Variants in ANO6 observed in about 807,000 individuals in gnomAD.
ANO6 encodes the protein anoctamin 6.
Under a neutral mutation model 117.5 loss-of-function variants are expected in ANO6, and 106 were observed. The observed-to-expected ratio is 0.90, with a 90% CI of 0.77 to 1.06. ANO6 has a LOEUF of 1.06. Among genes scored for constraint, ANO6 ranks in the 50% least tolerant of loss-of-function variants. The pLI, the probability that ANO6 is intolerant of heterozygous loss-of-function variation, is 0.00. For synonymous variants in ANO6, 367 were observed against 385.1 expected, an observed-to-expected ratio of 0.95 and a Z score of 0.55; for missense variants, 955 against 1,121.1, an observed-to-expected ratio of 0.85 and a Z score of 2.12.
At chr12:45,375,251 A>G (rs1593032989) in intron 9 of ANO6, among the ~76,000 whole-genome samples, 1 of 152,358 alleles carries the variant, frequency 6.6e-6, no homozygotes, top group East Asian at 1.9e-4. Context: ...GGTAGGAAGA[A>G]TCAATATCGT....
intron 8 of ANO6, among the ~76,000 whole-genome samples, chr12:45,365,626 T>C (rs1325482389): frequency 2.0e-5 from 3 of 152,166 alleles, no homozygotes; most frequent in Non-Finnish European, 4.4e-5. Flanking sequence ...TTAGACTACT[T>C]CTTCCCCCTT....
At chr12:45,372,734 C>T (rs1273014132) in intron 9 of ANO6, among the ~76,000 whole-genome samples, 1 of 152,128 alleles carries the variant, frequency 6.6e-6, no homozygotes, top group African/African-American at 2.4e-5. Flanking sequence ...AAAGGAACAA[C>T]CAGTACCAGG....
At chr12:45,246,034 C>T (rs1056196173) in intron 1 of ANO6, among the ~76,000 whole-genome samples, 3 of 151,644 alleles carry the variant, frequency 2.0e-5, no homozygotes, top group African/African-American at 7.3e-5. Context: ...ACTTATGTTA[C>T]CGAATTAGAT....
At chr12:45,257,757 T>G (rs575929982) in intron 1 of ANO6, among the ~76,000 whole-genome samples, 38 of 152,342 alleles carry the variant, frequency 2.5e-4, no homozygotes, top group African/African-American at 8.7e-4. Flanking sequence ...TCCTTCATAC[T>G]GTTGCCAAAT....
chr12:45,317,131 ATT>A lies in ANO6; in HGVS notation c.151-14162_151-14161del, dbSNP rs1491327041. On this transcript the variant is annotated intron_variant, in intron 2 of 19. Transcript: ENST00000320560. ...TTTATATGTATATATATATATATAT[ATT>A]TATTATACTTTAAGTTCCAGGGTAC... is the stretch of plus-strand genomic sequence containing the variant. Among the ~76,000 whole-genome samples the A allele has an allele frequency of 9.7e-4, 103 of 106,704 alleles. 23 individuals are homozygous for A. Among genetic ancestry groups the A allele is most frequent in the Non-Finnish European group, 1.4e-3 (63 of 45,184 alleles). 70.0% of individuals were successfully genotyped at this position (106,704 alleles called of 152,430 possible).
rs549502143 is a variant in ANO6 at position 45,309,288 on chromosome 12, G to T, written c.150+7195G>T. ...AGAGGAACATGTGAGCCCAGAATCA[G>T]AATTTCAGTGAACCAGGAGCAGCAG... On this transcript the variant is annotated intron_variant, in intron 2 of 19. Coordinates refer to ENST00000320560, the MANE Select transcript of ANO6 (RefSeq NM_001025356.3). 2.0e-5 allele frequency among the ~76,000 whole-genome samples: 3 copies of T among 152,186 alleles called. No homozygotes were observed. In the East Asian group the frequency reaches 5.8e-4, roughly 30 times the overall value.
rs1246855125 is a variant in ANO6 at position 45,309,041 on chromosome 12, C to G, written c.150+6948C>G. 2.0e-5 allele frequency among the ~76,000 whole-genome samples: 3 copies of G among 151,988 alleles called. No homozygotes were observed. The East Asian group carries it at 5.8e-4, about 29-fold the overall frequency. On this transcript the variant is annotated intron_variant, in intron 2 of 19. Coordinates refer to ENST00000320560, the MANE Select transcript of ANO6 (RefSeq NM_001025356.3). ...AATGAGTAGGTAATGTAGTTGTGGT[C>G]AGAAAGAGGGATTCTTAAATAAGTT...
At chr12:45,323,870 A>G (rs1940365928) in intron 2 of ANO6, among the ~76,000 whole-genome samples, 1 of 117,990 alleles carries the variant, frequency 8.5e-6, no homozygotes, top group South Asian at 2.6e-4. Flanking sequence ...TTTTTTTTTT[A>G]TTTACTATCT....
intron 10 of ANO6, among the ~76,000 whole-genome samples, chr12:45,382,297 A>G (rs1942188983): frequency 6.6e-6 from 1 of 152,218 alleles, no homozygotes; most frequent in South Asian, 2.1e-4. Flanking sequence ...CGGAAAAATA[A>G]GAAACCACCC....
chr12:45,333,752 A>G (rs1210429406), intron 3 of ANO6, among the ~76,000 whole-genome samples: 1 of 152,078 alleles, frequency 6.6e-6, no homozygotes, highest in East Asian at 1.9e-4. Context: ...TAACTTTGGA[A>G]TCATGTTTTT....
chr12:45,227,316 A>T (rs1947499416), intron 1 of ANO6, among the ~76,000 whole-genome samples: 1 of 152,192 alleles, frequency 6.6e-6, no homozygotes, highest in African/African-American at 2.4e-5. Context: ...AAAGAAAAGT[A>T]AAAGGAGGAA....
chr12:45,329,962 T>G (rs546290549), intron 2 of ANO6, among the ~76,000 whole-genome samples: 1 of 152,230 alleles, frequency 6.6e-6, no homozygotes, highest in African/African-American at 2.4e-5. Context: ...ATTGCAAATA[T>G]AAGAATTGGA....
chr12:45,395,636 A>AT (rs1375063613), intron 12 of ANO6, among the ~76,000 whole-genome samples: 1 of 152,220 alleles, frequency 6.6e-6, no homozygotes, highest in African/African-American at 2.4e-5. Flanking sequence ...CAAAAAGCTT[A>AT]TCCAACACGA....
At chr12:45,240,317 T>C (rs1947718962) in intron 1 of ANO6, among the ~76,000 whole-genome samples, 2 of 151,386 alleles carry the variant, frequency 1.3e-5, no homozygotes, top group Non-Finnish European at 2.9e-5. Context: ...TCGTTTAATG[T>C]CTGTTTTATC....
chr12:45,361,286 T>C (rs1252786457), intron 8 of ANO6, among the ~76,000 whole-genome samples: 1 of 152,154 alleles, frequency 6.6e-6, no homozygotes, highest in Non-Finnish European at 1.5e-5. Context: ...CTAAGTACAT[T>C]GTTCTTTTGA....
chr12:45,292,761 C>T, intron 1 of ANO6: 1 of 1,433,960 alleles, frequency 7.0e-7, no homozygotes, highest in Non-Finnish European at 9.2e-7. Context: ...GGAAATGTTA[C>T]AAGGTGGAGA....
chr12:45,357,366 G>A lies in ANO6; in HGVS notation c.940G>A (p.Val314Ile), dbSNP rs1941439048. The change falls in exon 8 of 20, where the codon GTT becomes ATT. Residue 314 changes from valine to isoleucine, a missense_variant. Physicochemically the swap from Val to Ile is conservative, Grantham distance 29. Coordinates refer to ENST00000320560, the MANE Select transcript of ANO6 (RefSeq NM_001025356.3). Reference protein sequence around the residue: ...YYTQMLLLAAVVGVACFLYGY... With the variant: ...YYTQMLLLAAIVGVACFLYGY... The stretch of plus-strand genomic sequence containing the variant: ...CACTCAGATGCTTCTCCTGGCCGCA[G>A]TTGTAGGAGTGGCTTGCTTTCTCTA... The A allele has an allele frequency of 6.2e-7, 1 of 1,613,890 alleles. No homozygotes were observed. The highest frequency in any genetic ancestry group is 1.7e-5 in the Admixed American group (1 of 60,010).
intron 12 of ANO6, among the ~76,000 whole-genome samples, chr12:45,398,418 C>A (rs1225168698): frequency 6.6e-6 from 1 of 152,198 alleles, no homozygotes; most frequent in African/African-American, 2.4e-5. Flanking sequence ...CAATACAAGA[C>A]TATTGTAATT....
chr12:45,294,316 TA>T (rs1939217072), intron 1 of ANO6, among the ~76,000 whole-genome samples: 1 of 152,230 alleles, frequency 6.6e-6, no homozygotes, highest in Non-Finnish European at 1.5e-5. Flanking sequence ...ATTAATTTTC[TA>T]AATTGCCAAA....
Sources: allele counts gnomAD v4.1 joint callset (sites outside exome capture counted in the v4.1 genomes callset), GRCh38; gene constraint gnomAD v4.1.1; transcripts MANE v1.5; gene names NCBI Gene and HGNC (gene_info 2026-07-23, HGNC 2026-07-21).